Variants in AFAP1 observed in about 807,000 individuals in gnomAD.
AFAP1 encodes the protein actin filament associated protein 1, also known as actin filament-associated protein 1.
Under a neutral mutation model 93.9 loss-of-function variants are expected in AFAP1, and 75 were observed. The observed-to-expected ratio is 0.80, with a 90% CI of 0.66 to 0.97. The LOEUF (loss-of-function observed/expected upper bound fraction) is 0.97. Among genes scored for constraint, AFAP1 ranks in the 50% least tolerant of loss-of-function variants. The pLI is 0.00. For missense variants in AFAP1, 1,201 were observed against 1,050.8 expected, an observed-to-expected ratio of 1.14 and a Z score of -1.98; for synonymous variants, 517 against 430.7, an observed-to-expected ratio of 1.20 and a Z score of -2.48.
intron 1 of AFAP1, among the ~76,000 whole-genome samples, chr4:7,876,305 A>G (rs1717502446): frequency 6.6e-6 from 1 of 152,166 alleles, no homozygotes; most frequent in Non-Finnish European, 1.5e-5. Context: ...CCTCAACCAC[A>G]AGGGGGACTT....
intron 11 of AFAP1, 146 bp from the exon 12 acceptor site, chr4:7,786,457 G>T: frequency 1.4e-6 from 1 of 691,236 alleles, no homozygotes; most frequent in Non-Finnish European, 2.5e-6. Context: ...AATCTCGGCA[G>T]AAATGAGATG....
At chr4:7,917,646 C>T (rs950950463) in intron 1 of AFAP1, among the ~76,000 whole-genome samples, 2 of 152,256 alleles carry the variant, frequency 1.3e-5, no homozygotes, top group Non-Finnish European at 1.5e-5. Flanking sequence ...ACATGAACCA[C>T]GTACCTCTCA....
At chr4:7,765,241 G>T (rs1010798739) in intron 17 of AFAP1, among the ~76,000 whole-genome samples, 1 of 152,092 alleles carries the variant, frequency 6.6e-6, no homozygotes, top group Non-Finnish European at 1.5e-5. Context: ...CTCCCAACAG[G>T]CCACACTCTG....
At chr4:7,867,737 T>C (rs1716585667) in intron 3 of AFAP1, among the ~76,000 whole-genome samples, 1 of 152,054 alleles carries the variant, frequency 6.6e-6, no homozygotes, top group Non-Finnish European at 1.5e-5. Context: ...TGGGAGTTAA[T>C]GAGTTGTAAT....
chr4:7,882,236 A>G (rs536924257), intron 1 of AFAP1, among the ~76,000 whole-genome samples: 1 of 152,334 alleles, frequency 6.6e-6, no homozygotes, highest in African/African-American at 2.4e-5. Flanking sequence ...GAAATTTCGT[A>G]AGAAAAAAAT....
In AFAP1 at chr4:7,919,152, G is replaced by A. The variant is rs114041509; in HGVS notation, c.-3+20504C>T. ...GGGCTGCAGATGAGACACTCAGCCC[G>A]GCCCCCGGAAAGGGAATCTGACTGA... On this transcript the variant is annotated intron_variant, in intron 1 of 17. Coordinates refer to ENST00000420658, the MANE Select transcript of AFAP1 (RefSeq NM_001134647.2). Among the ~76,000 whole-genome samples the A allele has an allele frequency of 8.3e-3, 1,270 of 152,134 alleles. 24 individuals are homozygous for A. Among genetic ancestry groups the A allele is most frequent in the African/African-American group, 0.029 (1,205 of 41,446 alleles).
intron 1 of AFAP1, among the ~76,000 whole-genome samples, chr4:7,897,338 G>C (rs943854996): frequency 6.6e-6 from 1 of 152,134 alleles, no homozygotes; most frequent in Non-Finnish European, 1.5e-5. Context: ...AGAACTGTAG[G>C]CTCAATTCCA....
At position 7,919,564 on chromosome 4, in the gene AFAP1, A is replaced by G. The variant is rs574385967; in HGVS notation, c.-3+20092T>C. Among the ~76,000 whole-genome samples the G allele has an allele frequency of 2.6e-5, 4 of 152,332 alleles. No homozygotes were observed. In the East Asian group the frequency reaches 5.8e-4, roughly 22 times the overall value. On this transcript the variant is annotated intron_variant, in intron 1 of 17. Transcript: ENST00000420658. ...CAGCCCTAAGAACAATAAACAAGCCATGTGCGAAAGAGCTTTGGGATTTTC... is the reference window on the plus strand; with the variant it reads ...CAGCCCTAAGAACAATAAACAAGCCGTGTGCGAAAGAGCTTTGGGATTTTC...
chr4:7,763,125 T>TTG lies in AFAP1; in HGVS notation c.*639_*640insCA, dbSNP rs1714049546. 6.6e-6 allele frequency: 1 copy of TTG among 152,648 alleles called. No homozygotes were observed. The highest frequency in any genetic ancestry group is 1.5e-5 in the Non-Finnish European group (1 of 68,070). The allele number at this position is 152,648 out of a possible 1,614,324, so 9.5% of individuals were successfully genotyped here. ...AACAGGTTAAGAAGAATGGCAGCTTTTCATGTCTTGGTGACAAAAGCATCT... is the reference window on the plus strand; with the variant it reads ...AACAGGTTAAGAAGAATGGCAGCTTTTGTCATGTCTTGGTGACAAAAGCATCT... On this transcript the variant is annotated 3_prime_UTR_variant, in exon 18 of 18. Coordinates refer to ENST00000420658, the MANE Select transcript of AFAP1 (RefSeq NM_001134647.2).
In AFAP1 at chr4:7,929,328, T is replaced by C. The variant is rs58140303; in HGVS notation, c.-3+10328A>G. Among the ~76,000 whole-genome samples, 640 of 152,200 alleles carry C rather than the reference T, an allele frequency of 4.2e-3. 10 individuals carry two copies. Among genetic ancestry groups the C allele is most frequent in the African/African-American group, 0.015 (608 of 41,530 alleles). On this transcript the variant is annotated intron_variant, in intron 1 of 17. Coordinates refer to ENST00000420658, the MANE Select transcript of AFAP1 (RefSeq NM_001134647.2). ...CCAGGCTGCCCCCATCTGCCAAGCA[T>C]CAAAAACTACACACAGAATTTGCAG...
At chr4:7,845,504 G>C (rs951520407) in intron 4 of AFAP1, among the ~76,000 whole-genome samples, 24 of 152,120 alleles carry the variant, frequency 1.6e-4, no homozygotes, top group African/African-American at 5.8e-4. Context: ...ATGGCACTAG[G>C]AATGGGCTGA....
intron 1 of AFAP1, among the ~76,000 whole-genome samples, chr4:7,908,787 CAT>C (rs1193872852): frequency 6.6e-6 from 1 of 152,170 alleles, no homozygotes; most frequent in Non-Finnish European, 1.5e-5. Flanking sequence ...CTGGATGATG[CAT>C]AGTTAACGAA....
intron 4 of AFAP1, among the ~76,000 whole-genome samples, chr4:7,845,601 A>AC (rs1223644255): frequency 6.6e-6 from 1 of 152,022 alleles, no homozygotes; most frequent in Non-Finnish European, 1.5e-5. Flanking sequence ...GGCGAACAGA[A>AC]CACCCTGGTC....
At chr4:7,874,397 T>C (rs1385069284) in intron 1 of AFAP1, among the ~76,000 whole-genome samples, 1 of 137,334 alleles carries the variant, frequency 7.3e-6, no homozygotes, top group Non-Finnish European at 1.5e-5. Context: ...AGAGTCTTCC[T>C]TTGTCACCCA....
rs76159284 is a variant in AFAP1 at position 7,824,451 on chromosome 4, T to C, written c.727-5280A>G. 6.7e-3 allele frequency among the ~76,000 whole-genome samples: 934 copies of C among 139,576 alleles called. 13 individuals are homozygous for C. The highest frequency in any genetic ancestry group is 0.02 in the African/African-American group (757 of 37,070). 91.6% of individuals were successfully genotyped at this position (139,576 alleles called of 152,430 possible). The stretch of plus-strand genomic sequence containing the variant: ...CACACACACACACACACAGAGACAG[T>C]CAGTTAATTCTGTCAAGAACCACTA... On this transcript the variant is annotated intron_variant, in intron 6 of 17. Coordinates refer to ENST00000420658, the MANE Select transcript of AFAP1 (RefSeq NM_001134647.2).
rs376803866 is a variant in AFAP1 at position 7,772,982 on chromosome 4, C to G, written c.2091G>C (p.Glu697Asp). The G allele has an allele frequency of 2.1e-4, 344 of 1,611,936 alleles. No homozygotes were observed. The highest frequency in any genetic ancestry group is 2.8e-4 in the Non-Finnish European group (327 of 1,179,964). The change falls in exon 16 of 18, where the codon GAG (glutamate) becomes GAC (aspartate). Residue 697 changes from glutamate (E) to aspartate (D), a missense_variant. Glu to Asp is a conservative substitution (Grantham distance 45). Coordinates refer to ENST00000420658, the MANE Select transcript of AFAP1 (RefSeq NM_001134647.2). The part of the protein sequence containing the change: ...AGRKPQAILE[E>D]KLKQLEEECR... ...ACTCCTCCTCCAGCTGCTTCAGCTTCTCCTCCAGGATCGCCTGCGGCTTCC... is the reference window on the plus strand; with the variant it reads ...ACTCCTCCTCCAGCTGCTTCAGCTTGTCCTCCAGGATCGCCTGCGGCTTCC...
Position 7,781,516 on chromosome 4 carries a change from G to C in AFAP1, c.1642C>G (p.Arg548Gly). 2 of 1,552,186 alleles carry C rather than the reference G, an allele frequency of 1.3e-6. No homozygotes were observed. The highest frequency in any genetic ancestry group is 1.2e-5 in the South Asian group (1 of 84,054). Residue 548 changes from arginine to glycine, a missense_variant, in exon 13 of 18, where the codon CGC becomes GGC. Physicochemically the swap from Arg to Gly is moderately radical, Grantham distance 125 (BLOSUM62 -2). Coordinates refer to ENST00000420658, the MANE Select transcript of AFAP1 (RefSeq NM_001134647.2). ...DNLPPPHIFA[R>G]YSPADRKASR... is the part of the protein sequence containing the mutation. ...GCCTTTCTGTCAGCAGGAGAGTAGC[G>C]GGCAAAGATGTGCGGAGGCGGCAAG... is the stretch of plus-strand genomic sequence containing the variant.
chr4:7,894,790 T>C (rs560744895), intron 1 of AFAP1, among the ~76,000 whole-genome samples: 1 of 152,086 alleles, frequency 6.6e-6, no homozygotes, highest in South Asian at 2.1e-4. Flanking sequence ...ATGGGGGCCC[T>C]AGGTTCTGCT....
At chr4:7,912,850 C>T (rs1719815251) in intron 1 of AFAP1, among the ~76,000 whole-genome samples, 1 of 151,822 alleles carries the variant, frequency 6.6e-6, no homozygotes, top group Non-Finnish European at 1.5e-5. Flanking sequence ...ATCAGGTAGA[C>T]AGCAATTTTT....
Sources: gnomAD v4.1 joint callset for allele counts (sites outside exome capture counted in the v4.1 genomes callset) on GRCh38, gnomAD v4.1.1 for gene constraint, MANE v1.5 for transcripts, NCBI Gene and HGNC (gene_info 2026-07-23, HGNC 2026-07-21) for gene names.